CDC42: variants seen among roughly 807,000 people sequenced by gnomAD.
CDC42 encodes cell division control protein 42 homolog.
A neutral mutation model predicts 20.8 loss-of-function variants in CDC42; 1 was observed. That is an observed-to-expected ratio of 0.05 (90% CI 0.02 to 0.23). The LOEUF (loss-of-function observed/expected upper bound fraction) is 0.23, where lower values mean the gene tolerates loss of function less well. Ranked by LOEUF, CDC42 falls within the 10% of genes least tolerant of loss-of-function variation. The pLI is 1.00. For missense variants in CDC42, 49 were observed against 227.9 expected (o/e 0.21, Z 5.05); for synonymous variants, 72 against 84.8 (o/e 0.85, Z 0.83).
intron 1 of CDC42, among the ~76,000 whole-genome samples, chr1:22,054,891 G>GTATATATATATATATA (rs1157685736): frequency 2.2e-4 from 16 of 71,880 alleles, no homozygotes; most frequent in Admixed American, 4.6e-4. Context: ...TTGAATTTAT[G>GTATATATATATATATA]TATATATATA....
intron 1 of CDC42, among the ~76,000 whole-genome samples, chr1:22,053,942 A>G (rs1160458109): frequency 6.6e-6 from 1 of 152,070 alleles, no homozygotes; most frequent in Non-Finnish European, 1.5e-5. Flanking sequence ...ACTATACTAG[A>G]ATGAGGTGGG....
intron 5 of CDC42, chr1:22,089,835 A>G (rs1645697818): frequency 1.8e-6 from 2 of 1,110,016 alleles, no homozygotes; most frequent in East Asian, 2.6e-5. Flanking sequence ...CTTAAGGCAC[A>G]TTGCTTCTGT....
At chr1:22,077,373 A>G (rs906552391) in intron 1 of CDC42, among the ~76,000 whole-genome samples, 2 of 152,134 alleles carry the variant, frequency 1.3e-5, no homozygotes, top group African/African-American at 4.8e-5. Flanking sequence ...GTTAATAGGC[A>G]TTTATAAATT....
chr1:22,057,719 CCTTTTTTTTTT>C (rs1341130081), intron 1 of CDC42, among the ~76,000 whole-genome samples: 2 of 151,192 alleles, frequency 1.3e-5, no homozygotes, highest in Admixed American at 6.6e-5. Flanking sequence ...GATTGCTTTA[CCTTTTTTTTTT>C]CTTTTTTTTT....
At chr1:22,081,162 C>CT (rs1398458372) in intron 2 of CDC42, among the ~76,000 whole-genome samples, 1 of 152,064 alleles carries the variant, frequency 6.6e-6, no homozygotes, top group Non-Finnish European at 1.5e-5. Flanking sequence ...CAGTGAGACT[C>CT]TGTCTCAAAA....
chr1:22,078,302 G>C (rs1645572877), intron 1 of CDC42, 127 bp from the exon 2 acceptor site: 1 of 491,986 alleles, frequency 2.0e-6, no homozygotes, highest in East Asian at 3.3e-5. Context: ...GTCTCTTATT[G>C]GGTTCTTTTA....
chr1:22,075,353 A>G (rs1645536787), intron 1 of CDC42, among the ~76,000 whole-genome samples: 1 of 152,212 alleles, frequency 6.6e-6, no homozygotes, highest in Non-Finnish European at 1.5e-5. Context: ...GCTGAGAACA[A>G]TTAGTATAAT....
At chr1:22,058,041 T>G (rs946843513) in intron 1 of CDC42, among the ~76,000 whole-genome samples, 4 of 152,192 alleles carry the variant, frequency 2.6e-5, no homozygotes, top group South Asian at 2.1e-4. Flanking sequence ...CTTTACATTT[T>G]TATCCGTTAC....
intron 1 of CDC42, among the ~76,000 whole-genome samples, chr1:22,065,666 A>G (rs913678035): frequency 6.6e-6 from 1 of 151,010 alleles, no homozygotes; most frequent in Non-Finnish European, 1.5e-5. Flanking sequence ...TAGACGAGAA[A>G]GTTAAGGCAT....
At chr1:22,066,234 G>A (rs1163872465) in intron 1 of CDC42, among the ~76,000 whole-genome samples, 1 of 152,140 alleles carries the variant, frequency 6.6e-6, no homozygotes, top group Admixed American at 6.5e-5. Context: ...GCTGGGTGAG[G>A]TGAGGTGGTG....
At chr1:22,054,911 ATATATATATATTTTTTTTTTTTTTTT>A (rs1645281937) in intron 1 of CDC42, among the ~76,000 whole-genome samples, 5 of 13,644 alleles carry the variant, frequency 3.7e-4, no homozygotes, top group South Asian at 4.2e-3. Flanking sequence ...ATATATATAT[ATATATATATATTTTTTTTTTTTTTTT>A]TTTTTTTTTT....
intron 1 of CDC42, among the ~76,000 whole-genome samples, chr1:22,056,833 A>G (rs954140981): frequency 6.6e-6 from 1 of 152,266 alleles, no homozygotes; most frequent in Non-Finnish European, 1.5e-5. Context: ...CTAATAGAGC[A>G]GAAAACTATA....
chr1:22,058,605 C>G (rs567598239), intron 1 of CDC42, among the ~76,000 whole-genome samples: 109 of 152,012 alleles, frequency 7.2e-4, no homozygotes, highest in Non-Finnish European at 1.3e-3. Context: ...GCCTCAACCT[C>G]CCGAGTAGCT....
chr1:22,097,985 C>T lies in CDC42; in HGVS notation c.*6468C>T, dbSNP rs1230491884. On this transcript the variant is annotated 3_prime_UTR_variant, in exon 6 of 6. Coordinates refer to ENST00000656825, the MANE Select transcript of CDC42 (RefSeq NM_001791.4). ...AAGGCTAAGGTAAGTATAGCATTTTCTCAACCCTATTACAATAGAGCACAG... is the reference window on the plus strand; with the variant it reads ...AAGGCTAAGGTAAGTATAGCATTTTTTCAACCCTATTACAATAGAGCACAG... 6.6e-6 allele frequency among the ~76,000 whole-genome samples: 1 copy of T among 152,126 alleles called. No individual in the cohort carries two copies. The highest frequency in any genetic ancestry group is 1.5e-5 in the Non-Finnish European group (1 of 68,024).
At chr1:22,059,914 G>A (rs1481775476) in intron 1 of CDC42, among the ~76,000 whole-genome samples, 4 of 152,016 alleles carry the variant, frequency 2.6e-5, no homozygotes, top group Non-Finnish European at 4.4e-5. Context: ...ACTATATGGT[G>A]TAGGAGAAAT....
intron 4 of CDC42, 38 bp downstream of exon 4, chr1:22,086,586 C>T: frequency 6.3e-7 from 1 of 1,582,270 alleles, no homozygotes; most frequent in East Asian, 2.2e-5. Context: ...AGAAGATCAT[C>T]TCAGAATTTC....
At chr1:22,062,464 T>C (rs1009435326) in intron 1 of CDC42, among the ~76,000 whole-genome samples, 7 of 152,190 alleles carry the variant, frequency 4.6e-5, no homozygotes, top group African/African-American at 1.4e-4. Flanking sequence ...TCTGCTTGTT[T>C]AGGATTTCTG....
In CDC42 at chr1:22,100,637, T is replaced by G. The variant is rs903629016; in HGVS notation, c.*9120T>G. Reference sequence around the variant, plus strand: ...TGAATGGGGTAGATAGCAGCTGTCTTCATCACTGTCATCATTGTTGGCTCA... The same window carrying G: ...TGAATGGGGTAGATAGCAGCTGTCTGCATCACTGTCATCATTGTTGGCTCA... On this transcript the variant is annotated 3_prime_UTR_variant, in exon 6 of 6. Coordinates refer to ENST00000656825, the MANE Select transcript of CDC42 (RefSeq NM_001791.4). 1 of 152,248 alleles carries G rather than the reference T, an allele frequency of 6.6e-6. No homozygotes were observed. The highest frequency in any genetic ancestry group is 2.4e-5 in the African/African-American group (1 of 41,472). 9.4% of individuals were successfully genotyped at this position (152,248 alleles called of 1,614,324 possible).
At chr1:22,070,663 A>G (rs1051591477) in intron 1 of CDC42, among the ~76,000 whole-genome samples, 1 of 151,186 alleles carries the variant, frequency 6.6e-6, no homozygotes, top group African/African-American at 2.4e-5. Context: ...GCAGGGTTTC[A>G]CTGTGTTAGC....
Sources: gnomAD v4.1 joint callset for allele counts (sites outside exome capture counted in the v4.1 genomes callset) on GRCh38, gnomAD v4.1.1 for gene constraint, MANE v1.5 for transcripts, NCBI Gene and HGNC (gene_info 2026-07-23, HGNC 2026-07-21) for gene names.